The following CHST3 variants were observed in gnomAD, a reference collection of about 807,000 sequenced individuals.
CHST3 encodes carbohydrate sulfotransferase 3, also known as C6ST-1.
CHST3 carries 20 observed loss-of-function variants against 35.4 expected under a neutral mutation model. The ratio of observed to expected loss-of-function variants is 0.57; its 90% CI spans 0.40 to 0.82. The LOEUF (loss-of-function observed/expected upper bound fraction) is 0.82. CHST3 is among the 40% of genes least tolerant of loss of function. The probability of loss-of-function intolerance (pLI) is 0.00; values close to 1 mark genes in which losing one functional copy is unlikely to be tolerated. For missense variants in CHST3, 693 were observed against 670.1 expected (o/e 1.03, Z -0.38); for synonymous variants, 334 against 295.9 (o/e 1.13, Z -1.32).
chr10:72,002,063 G>A (rs886868056), intron 1 of CHST3, among the ~76,000 whole-genome samples: 4 of 152,044 alleles, frequency 2.6e-5, no homozygotes, highest in Non-Finnish European at 4.4e-5. Context: ...CCCTCTCCCC[G>A]CTTCTGGCTC....
rs1031171690 is a variant in CHST3 at position 72,007,946 on chromosome 10, C to T, written c.915C>T (p.Ala305=). The change falls in exon 3 of 3, where the codon GCC becomes GCT. Residue 305 remains alanine, a synonymous_variant. Transcript: ENST00000373115. ...TCCAGCTGGTGCGCGACCCCCGGGCCGTGCTGGCCTCGCGCATGGTGGCCT... is the reference window on the plus strand; with the variant it reads ...TCCAGCTGGTGCGCGACCCCCGGGCTGTGCTGGCCTCGCGCATGGTGGCCT... ...RVIQLVRDPR[A]VLASRMVAFA... The T allele has an allele frequency of 6.5e-6, 10 of 1,549,874 alleles. No individual in the cohort carries two copies. The highest frequency in any genetic ancestry group is 5.2e-6 in the Non-Finnish European group (6 of 1,146,784).
At position 72,008,191 on chromosome 10, in the gene CHST3, G is replaced by A. The variant is rs145384892; in HGVS notation, c.1160G>A (p.Arg387His). 2,420 of 1,549,942 alleles carry A rather than the reference G, an allele frequency of 1.6e-3. 27 individuals are homozygous for A. In the African/African-American group the frequency reaches 0.029, roughly 19 times the overall value. ...GPLQKAREMY[R>H]FAGIPLTPQV... is the part of the protein sequence containing the mutation. ...CTGCAGAAGGCCCGCGAGATGTACC[G>A]CTTCGCCGGCATCCCCCTGACCCCG... Residue 387 changes from arginine (R) to histidine (H), a missense_variant, in exon 3 of 3, where the codon CGC becomes CAC. Coordinates refer to ENST00000373115, the MANE Select transcript of CHST3 (RefSeq NM_004273.5).
Position 72,012,791 on chromosome 10 carries a change from G to A in CHST3, c.*4320G>A, listed in dbSNP as rs1840125049. ...AAGGCGCAGCCAGATGGAAGGGAGA[G>A]GGTCCAGGGCTTCCTAAATGCAGCC... On this transcript the variant is annotated 3_prime_UTR_variant, in exon 3 of 3. Transcript: ENST00000373115. 6.6e-6 allele frequency: 1 copy of A among 152,282 alleles called. No individual in the cohort carries two copies. Among genetic ancestry groups the A allele is most frequent in the African/African-American group, 2.4e-5 (1 of 41,454 alleles). The allele number at this position is 152,282 out of a possible 1,614,324, so 9.4% of individuals were successfully genotyped here. A position where few individuals can be genotyped will look rare whatever the true frequency, so the allele number is the denominator to read the frequency against.
intron 1 of CHST3, among the ~76,000 whole-genome samples, chr10:71,971,954 G>A (rs1401361592): frequency 3.9e-5 from 6 of 152,126 alleles, no homozygotes; most frequent in Non-Finnish European, 4.4e-5. Flanking sequence ...TCTTTTTACC[G>A]AGACATGCTA....
At chr10:71,998,901 G>A (rs1839966276) in intron 1 of CHST3, among the ~76,000 whole-genome samples, 2 of 152,100 alleles carry the variant, frequency 1.3e-5, no homozygotes, top group Non-Finnish European at 2.9e-5. Flanking sequence ...GCTATACTGG[G>A]TGCAGGGGGG....
intron 1 of CHST3, among the ~76,000 whole-genome samples, chr10:71,975,492 G>A (rs922667857): frequency 1.3e-5 from 2 of 152,246 alleles, no homozygotes; most frequent in Non-Finnish European, 2.9e-5. Flanking sequence ...TCAAAGTGTA[G>A]GTCACTCCCC....
At chr10:71,991,203 G>A (rs976178048) in intron 1 of CHST3, among the ~76,000 whole-genome samples, 7 of 152,228 alleles carry the variant, frequency 4.6e-5, no homozygotes, top group African/African-American at 1.7e-4. Flanking sequence ...CTGCAAAAGA[G>A]TCTGGGCAAT....
intron 1 of CHST3, among the ~76,000 whole-genome samples, chr10:71,971,870 T>C (rs1467591853): frequency 6.6e-6 from 1 of 152,192 alleles, no homozygotes; most frequent in African/African-American, 2.4e-5. Context: ...ATCTAGAACC[T>C]GCCAGTCACG....
intron 1 of CHST3, among the ~76,000 whole-genome samples, chr10:71,998,956 G>A (rs569154418): frequency 2.0e-5 from 3 of 152,264 alleles, no homozygotes; most frequent in East Asian, 1.9e-4. Flanking sequence ...TTCACTTCCC[G>A]TTCTTTCATT....
chr10:71,982,288 G>T (rs962432231), intron 1 of CHST3, among the ~76,000 whole-genome samples: 1 of 152,198 alleles, frequency 6.6e-6, no homozygotes, highest in African/African-American at 2.4e-5. Flanking sequence ...AGCCATTGCT[G>T]GTTTGCAGAT....
chr10:72,004,204 G>A (rs2131770553), intron 1 of CHST3, among the ~76,000 whole-genome samples: 1 of 152,262 alleles, frequency 6.6e-6, no homozygotes, highest in Non-Finnish European at 1.5e-5. Context: ...TACTATTTCA[G>A]TCGAGGGTCA....
intron 1 of CHST3, among the ~76,000 whole-genome samples, chr10:71,981,146 G>T (rs1190342652): frequency 4.6e-5 from 7 of 152,240 alleles, no homozygotes; most frequent in African/African-American, 1.7e-4. Context: ...GGCTGTCCCC[G>T]CTGGCTCTGG....
chr10:71,999,444 C>T (rs1839971083), intron 1 of CHST3, among the ~76,000 whole-genome samples: 1 of 152,246 alleles, frequency 6.6e-6, no homozygotes, highest in African/African-American at 2.4e-5. Flanking sequence ...AGCTCTTGCC[C>T]TCCCTTGGCT....
chr10:71,978,201 T>G (rs929382098), intron 1 of CHST3, among the ~76,000 whole-genome samples: 1 of 152,016 alleles, frequency 6.6e-6, no homozygotes, highest in African/African-American at 2.4e-5. Flanking sequence ...ACCAACAAGG[T>G]GATACCCCAT....
At chr10:71,974,274 A>G (rs1043515821) in intron 1 of CHST3, among the ~76,000 whole-genome samples, 1 of 152,210 alleles carries the variant, frequency 6.6e-6, no homozygotes. Context: ...CTTCACAGTC[A>G]TTCTCACCAA....
intron 1 of CHST3, among the ~76,000 whole-genome samples, chr10:71,999,681 G>A (rs1589506053): frequency 1.3e-5 from 2 of 152,210 alleles, no homozygotes; most frequent in East Asian, 1.9e-4. Flanking sequence ...GGAGGAGGCC[G>A]GAACAGGCCG....
At chr10:71,975,278 C>T (rs1295252619) in intron 1 of CHST3, among the ~76,000 whole-genome samples, 1 of 152,178 alleles carries the variant, frequency 6.6e-6, no homozygotes, top group African/African-American at 2.4e-5. Context: ...GATGCCATCC[C>T]CGAGGCCCAG....
At chr10:71,986,773 C>T (rs1839850977) in intron 1 of CHST3, among the ~76,000 whole-genome samples, 1 of 152,220 alleles carries the variant, frequency 6.6e-6, no homozygotes, top group Admixed American at 6.5e-5. Context: ...TCCCCTGCAG[C>T]CCAGCATGGG....
chr10:71,992,397 C>T (rs575246809), intron 1 of CHST3, among the ~76,000 whole-genome samples: 4 of 151,966 alleles, frequency 2.6e-5, no homozygotes, highest in East Asian at 1.9e-4. Flanking sequence ...AGGCTGGTCT[C>T]GAACTCCTGG....
Sources: gnomAD v4.1 joint callset for allele counts (sites outside exome capture counted in the v4.1 genomes callset) on GRCh38, gnomAD v4.1.1 for gene constraint, MANE v1.5 for transcripts, NCBI Gene and HGNC (gene_info 2026-07-23, HGNC 2026-07-21) for gene names.